TEAD1: variants seen among roughly 807,000 people sequenced by gnomAD.
The protein encoded by TEAD1 is TEA domain transcription factor 1, also known as transcriptional enhancer factor TEF-1.
Under a neutral mutation model 54.9 loss-of-function variants are expected in TEAD1, and 9 were observed. That is an observed-to-expected ratio of 0.16 (90% CI 0.10 to 0.29). The LOEUF (loss-of-function observed/expected upper bound fraction) is 0.29, where lower values mean the gene tolerates loss of function less well. TEAD1 is among the 10% of genes least tolerant of loss of function. The probability of loss-of-function intolerance (pLI) is 1.00; values close to 1 mark genes in which losing one functional copy is unlikely to be tolerated. For synonymous variants in TEAD1, 200 were observed against 187.8 expected (o/e 1.07, Z -0.53); for missense variants, 387 against 535.9 (o/e 0.72, Z 2.74).
intron 2 of TEAD1, among the ~76,000 whole-genome samples, chr11:12,743,843 G>T (rs905925792): frequency 2.6e-5 from 4 of 152,164 alleles, no homozygotes; most frequent in African/African-American, 9.7e-5. Flanking sequence ...CCCTTGATTT[G>T]CCGGACACCT....
intron 3 of TEAD1, among the ~76,000 whole-genome samples, chr11:12,822,033 CGCTCACTGCAA>C (rs1287958664): frequency 7.3e-6 from 1 of 137,618 alleles, no homozygotes; most frequent in Non-Finnish European, 1.5e-5. Flanking sequence ...GCGCGATCTC[CGCTCACTGCAA>C]GCTCCGCCTC....
Position 12,894,041 on chromosome 11 carries a change from C to T in TEAD1, c.700-7899C>T, listed in dbSNP as rs139830720. Among the ~76,000 whole-genome samples, 220 of 152,252 alleles carry T rather than the reference C, an allele frequency of 1.4e-3. 1 individual carries two copies. The highest frequency in any genetic ancestry group is 5.1e-3 in the African/African-American group (212 of 41,554). Reference sequence around the variant, plus strand: ...GGTGGACAGACATTCCAGGCAGGACCGTGACAAGAAGTAAATGTAGGTGAT... The same window carrying T: ...GGTGGACAGACATTCCAGGCAGGACTGTGACAAGAAGTAAATGTAGGTGAT... On this transcript the variant is annotated intron_variant, in intron 9 of 12. Coordinates refer to ENST00000527636, the MANE Select transcript of TEAD1 (RefSeq NM_021961.6).
At chr11:12,898,522 G>A (rs1401945255) in intron 9 of TEAD1, among the ~76,000 whole-genome samples, 1 of 151,872 alleles carries the variant, frequency 6.6e-6, no homozygotes, top group African/African-American at 2.4e-5. Flanking sequence ...AGCCTCCCGA[G>A]TAGCTGGGAT....
chr11:12,913,260 C>G (rs927262463), intron 10 of TEAD1, among the ~76,000 whole-genome samples: 2 of 151,990 alleles, frequency 1.3e-5, no homozygotes, highest in African/African-American at 4.8e-5. Flanking sequence ...CCCAGTCCAC[C>G]CCATGTTAAT....
At chr11:12,791,030 A>G (rs1945791475) in intron 3 of TEAD1, among the ~76,000 whole-genome samples, 1 of 152,238 alleles carries the variant, frequency 6.6e-6, no homozygotes, top group South Asian at 2.1e-4. Flanking sequence ...TGTCCACGCA[A>G]AGACTTGTAT....
intron 10 of TEAD1, 130 bp downstream of exon 10, chr11:12,902,243 C>A: frequency 1.6e-6 from 2 of 1,266,806 alleles, no homozygotes; most frequent in Non-Finnish European, 2.3e-6. Context: ...GCACAATTGC[C>A]AAGGGAGCAC....
chr11:12,902,139 C>A (rs1487490301), intron 10 of TEAD1, 26 bp downstream of exon 10: 1 of 1,614,132 alleles, frequency 6.2e-7, no homozygotes, highest in Non-Finnish European at 8.5e-7. Context: ...CTGTGATTTC[C>A]GTGGTTTTTG....
At chr11:12,849,328 T>A (rs1220870917) in intron 3 of TEAD1, 2 of 152,230 alleles carry the variant, frequency 1.3e-5, no homozygotes, top group African/African-American at 4.8e-5. Context: ...ATTACAGGCT[T>A]GAGCCACCGT....
At chr11:12,860,544 G>A (rs1030180343) in intron 3 of TEAD1, among the ~76,000 whole-genome samples, 3 of 152,160 alleles carry the variant, frequency 2.0e-5, no homozygotes, top group African/African-American at 4.8e-5. Flanking sequence ...TTTGATGTTC[G>A]TCTTCATCAG....
At chr11:12,732,027 C>T (rs1944434831) in intron 2 of TEAD1, among the ~76,000 whole-genome samples, 1 of 152,162 alleles carries the variant, frequency 6.6e-6, no homozygotes, top group Admixed American at 6.5e-5. Flanking sequence ...TTGTGGGCAA[C>T]CCAATCCCTT....
intron 2 of TEAD1, among the ~76,000 whole-genome samples, chr11:12,689,890 CTT>C (rs1491162929): frequency 6.6e-6 from 1 of 151,582 alleles, no homozygotes; most frequent in Non-Finnish European, 1.5e-5. Flanking sequence ...AAATATGACT[CTT>C]TTTAAAAAAA....
chr11:12,916,004 G>A (rs920338399), intron 10 of TEAD1, among the ~76,000 whole-genome samples: 1 of 152,124 alleles, frequency 6.6e-6, no homozygotes, highest in Non-Finnish European at 1.5e-5. Context: ...ACTTTTGATG[G>A]GGTGTATTTT....
chr11:12,752,213 GTTTTT>G lies in TEAD1; in HGVS notation c.-54-11950_-54-11946del, dbSNP rs35143229. Among the ~76,000 whole-genome samples, 373 of 101,038 alleles carry G rather than the reference GTTTTT, an allele frequency of 3.7e-3. 2 individuals carry two copies. The highest frequency in any genetic ancestry group is 0.013 in the African/African-American group (351 of 27,248). 66.3% of individuals were successfully genotyped at this position (101,038 alleles called of 152,430 possible). The stretch of plus-strand genomic sequence containing the variant: ...ATCAGAAAGGCACTGAAACAGGGCA[GTTTTT>G]TTTTTTTTTTTTTTTCATTTCTTTC... On this transcript the variant is annotated intron_variant, in intron 2 of 12. Coordinates refer to ENST00000527636, the MANE Select transcript of TEAD1 (RefSeq NM_021961.6).
intron 3 of TEAD1, among the ~76,000 whole-genome samples, chr11:12,817,058 T>A (rs1487273032): frequency 6.6e-6 from 1 of 152,190 alleles, no homozygotes; most frequent in Non-Finnish European, 1.5e-5. Flanking sequence ...CGCTGCTGGA[T>A]CAGCAGAACC....
At chr11:12,783,133 T>TGTGTGTGTGTGTGTGTGCGCGC (rs1198828193) in intron 3 of TEAD1, among the ~76,000 whole-genome samples, 8 of 145,496 alleles carry the variant, frequency 5.5e-5, no homozygotes, top group African/African-American at 2.2e-4. Context: ...TGTGTGTGTG[T>TGTGTGTGTGTGTGTGTGCGCGC]GCGCGCACTT....
At chr11:12,862,774 C>G (rs1947533525) in intron 4 of TEAD1, among the ~76,000 whole-genome samples, 1 of 152,172 alleles carries the variant, frequency 6.6e-6, no homozygotes, top group Non-Finnish European at 1.5e-5. Context: ...GAATGTAATG[C>G]TAAATGATGT....
intron 11 of TEAD1, among the ~76,000 whole-genome samples, chr11:12,927,271 C>G (rs1948920208): frequency 1.3e-5 from 2 of 152,162 alleles, no homozygotes; most frequent in Non-Finnish European, 2.9e-5. Context: ...ATATTTTCTT[C>G]CAGATAGGCG....
chr11:12,912,294 C>T (rs1433482349), intron 10 of TEAD1, among the ~76,000 whole-genome samples: 2 of 152,114 alleles, frequency 1.3e-5, no homozygotes, highest in African/African-American at 2.4e-5. Context: ...GGCAGGTGAA[C>T]AACAGCACCG....
chr11:12,761,791 G>T (rs1945108044), intron 2 of TEAD1, among the ~76,000 whole-genome samples: 1 of 151,876 alleles, frequency 6.6e-6, no homozygotes, highest in South Asian at 2.1e-4. Flanking sequence ...ATGTTAACCA[G>T]GAGATGGGTT....
Sources: gnomAD v4.1 joint callset for allele counts (sites outside exome capture counted in the v4.1 genomes callset) on GRCh38, gnomAD v4.1.1 for gene constraint, MANE v1.5 for transcripts, NCBI Gene and HGNC (gene_info 2026-07-23, HGNC 2026-07-21) for gene names.